RAB27B: variants seen among roughly 807,000 people sequenced by gnomAD.
RAB27B encodes the protein RAB27B, member RAS oncogene family.
A neutral mutation model predicts 24.6 loss-of-function variants in RAB27B; 15 were observed. The observed-to-expected ratio is 0.61, with a 90% CI of 0.41 to 0.94. The LOEUF is 0.94. Among genes scored for constraint, RAB27B ranks in the 40% least tolerant of loss-of-function variants. The probability of loss-of-function intolerance (pLI) is 0.00; values close to 1 mark genes in which losing one functional copy is unlikely to be tolerated. For synonymous variants in RAB27B, 105 were observed against 92.5 expected (o/e 1.14, Z -0.78); for missense variants, 261 against 266.8 (o/e 0.98, Z 0.15).
rs138259363 is a variant in RAB27B at position 54,818,546 on chromosome 18, T to C, written c.-19-59021T>C. 2.6e-4 allele frequency among the ~76,000 whole-genome samples: 39 copies of C among 152,262 alleles called. No homozygotes were observed. In the East Asian group the frequency reaches 7.3e-3, roughly 29 times the overall value. On this transcript the variant is annotated intron_variant, in intron 2 of 4. Coordinates refer to the RAB27B transcript ENST00000586570. Reference sequence around the variant, plus strand: ...ACTCCAGGGCATATTGGCATGGGACTAGAGCCATAAGCAAAGGCATTCAAC... The same window carrying C: ...ACTCCAGGGCATATTGGCATGGGACCAGAGCCATAAGCAAAGGCATTCAAC...
intron 1 of RAB27B, among the ~76,000 whole-genome samples, chr18:54,876,189 AACTC>A (rs367999724): frequency 1.4e-4 from 22 of 152,224 alleles, no homozygotes; most frequent in Non-Finnish European, 5.9e-5. Flanking sequence ...ATCTCATGAG[AACTC>A]ACTCACTATC....
At chr18:54,868,135 A>C (rs934637617) in intron 1 of RAB27B, among the ~76,000 whole-genome samples, 8 of 152,186 alleles carry the variant, frequency 5.3e-5, no homozygotes, top group Middle Eastern at 3.2e-3. Flanking sequence ...TTAAAATAAA[A>C]GTGGGAGAGA....
rs1694286391 is a variant in RAB27B at position 54,895,288 on chromosome 18, A to C, written c.*5875A>C. 1 of 152,020 alleles carries C rather than the reference A, an allele frequency of 6.6e-6. No homozygotes were observed. The highest frequency in any genetic ancestry group is 1.5e-5 in the Non-Finnish European group (1 of 67,972). 9.4% of individuals were successfully genotyped at this position (152,020 alleles called of 1,614,324 possible). On this transcript the variant is annotated 3_prime_UTR_variant, in exon 6 of 6. Transcript: ENST00000262094. ...CTGTTTTGTCTAGTGCTATGAATGTAACTTAAAACTATAAACTTGAAGTTT... is the reference window on the plus strand; with the variant it reads ...CTGTTTTGTCTAGTGCTATGAATGTCACTTAAAACTATAAACTTGAAGTTT...
chr18:54,723,411 T>C (rs1362714469), intron 2 of RAB27B, among the ~76,000 whole-genome samples: 2 of 152,222 alleles, frequency 1.3e-5, no homozygotes, highest in Non-Finnish European at 2.9e-5. Flanking sequence ...CAAAAATTTA[T>C]CTATTATTCA....
At chr18:54,735,925 A>G (rs1436928194) in intron 2 of RAB27B, among the ~76,000 whole-genome samples, 2 of 152,216 alleles carry the variant, frequency 1.3e-5, no homozygotes, top group African/African-American at 4.8e-5. Flanking sequence ...GCCAAACTGG[A>G]TAATTTTATG....
At chr18:54,868,029 G>A (rs1912310187) in intron 1 of RAB27B, among the ~76,000 whole-genome samples, 1 of 152,292 alleles carries the variant, frequency 6.6e-6, no homozygotes, top group Non-Finnish European at 1.5e-5. Context: ...GGTGAGGTCT[G>A]GTGGGAGGTG....
intron 2 of RAB27B, among the ~76,000 whole-genome samples, chr18:54,772,655 G>A (rs555888379): frequency 6.6e-6 from 1 of 151,974 alleles, no homozygotes; most frequent in Non-Finnish European, 1.5e-5. Context: ...TCCAAACTCA[G>A]TCTCTTTTAT....
In RAB27B at chr18:54,884,451, G is replaced by A. The variant is rs1483757200; in HGVS notation, c.343+15G>A. 1.3e-6 allele frequency: 2 copies of A among 1,563,016 alleles called. No homozygotes were observed. The highest frequency in any genetic ancestry group is 8.8e-7 in the Non-Finnish European group (1 of 1,134,982). On this transcript the variant is annotated intron_variant, in intron 4 of 5. Transcript: ENST00000262094. ...AAACTGGATGAGTAAGTGGGACTGA[G>A]TAATGTGCATTGGCCGCTTTGGGAC...
At chr18:54,847,577 A>C (rs1016142546) in intron 1 of RAB27B, among the ~76,000 whole-genome samples, 8 of 152,200 alleles carry the variant, frequency 5.3e-5, no homozygotes, top group Admixed American at 4.6e-4. Context: ...GACTCTTTTA[A>C]ATACCTATGC....
intron 2 of RAB27B, among the ~76,000 whole-genome samples, chr18:54,791,727 G>A (rs1034983267): frequency 6.6e-6 from 1 of 152,170 alleles, no homozygotes; most frequent in Non-Finnish European, 1.5e-5. Context: ...CTAGCAGGCC[G>A]ACTCACAGGC....
intron 1 of RAB27B, among the ~76,000 whole-genome samples, chr18:54,865,237 T>TTGTGTGTGTGTGTGTG (rs3060044): frequency 8.4e-5 from 12 of 143,392 alleles, no homozygotes; most frequent in East Asian, 6.1e-4. Context: ...CAATGGCCTT[T>TTGTGTGTGTGTGTGTG]TGTGTGTGTG....
chr18:54,780,076 G>A (rs1408425389), intron 2 of RAB27B, among the ~76,000 whole-genome samples: 5 of 114,328 alleles, frequency 4.4e-5, no homozygotes, highest in Non-Finnish European at 6.9e-5. Context: ...CTCCCTCACC[G>A]CGTCTCCGCC....
intron 2 of RAB27B, among the ~76,000 whole-genome samples, chr18:54,796,938 T>A (rs972381479): frequency 5.3e-5 from 8 of 152,180 alleles, no homozygotes; most frequent in Non-Finnish European, 1.0e-4. Flanking sequence ...GAGCAAGATG[T>A]AAAGACATAA....
intron 1 of RAB27B, among the ~76,000 whole-genome samples, chr18:54,865,061 T>G (rs1406219378): frequency 3.9e-5 from 6 of 152,154 alleles, no homozygotes; most frequent in Admixed American, 3.3e-4. Flanking sequence ...CAGATGATAA[T>G]AGAATAATGA....
chr18:54,837,232 G>GATC (rs1323186358), intron 1 of RAB27B, among the ~76,000 whole-genome samples: 2 of 152,220 alleles, frequency 1.3e-5, no homozygotes, highest in African/African-American at 4.8e-5. Flanking sequence ...ACTGTAGAGA[G>GATC]ATCAGTGAGG....
At position 54,889,377 on chromosome 18, in the gene RAB27B, TG is replaced by T. The variant is rs1401906920; in HGVS notation, c.625del (p.Glu209LysfsTer38). On this transcript the variant is annotated frameshift_variant, in exon 6 of 6. Coordinates refer to ENST00000262094, the MANE Select transcript of RAB27B (RefSeq NM_004163.4). LOFTEE classifies it high-confidence loss of function. ...VNGGNSGNLDGEKPPEKKCIC is the reference protein window; with the variant it reads ...VNGGNSGNLDXEKPPEKKCIC ...ATGGTGGAAATTCTGGAAACTTGGA[TG>T]GGGAAAAGCCACCAGAGAAGAAATG... 1.2e-6 allele frequency: 2 copies of T among 1,613,110 alleles called. No individual in the cohort carries two copies. Among genetic ancestry groups the T allele is most frequent in the Admixed American group, 1.7e-5 (1 of 59,972 alleles).
intron 1 of RAB27B, among the ~76,000 whole-genome samples, chr18:54,861,478 A>G (rs897748241): frequency 6.6e-6 from 1 of 152,162 alleles, no homozygotes; most frequent in Non-Finnish European, 1.5e-5. Flanking sequence ...GGTGCTGTTT[A>G]GCCCATTGAA....
At chr18:54,886,948 A>AT (rs1913162142) in intron 4 of RAB27B, among the ~76,000 whole-genome samples, 2 of 149,640 alleles carry the variant, frequency 1.3e-5, no homozygotes, top group East Asian at 4.0e-4. Context: ...GGTTTCTTAT[A>AT]TTTTTTTCCC....
intron 2 of RAB27B, among the ~76,000 whole-genome samples, chr18:54,820,002 C>G (rs1364406319): frequency 3.3e-5 from 5 of 152,134 alleles, no homozygotes; most frequent in African/African-American, 1.2e-4. Context: ...GCCACATTTT[C>G]TTAAGCCAGT....
Sources: allele counts gnomAD v4.1 joint callset (sites outside exome capture counted in the v4.1 genomes callset), GRCh38; gene constraint gnomAD v4.1.1; transcripts MANE v1.5; gene names NCBI Gene and HGNC (gene_info 2026-07-23, HGNC 2026-07-21).